STARD13: variants seen among roughly 807,000 people sequenced by gnomAD.
The protein encoded by STARD13 is StAR related lipid transfer domain containing 13, also known as stAR-related lipid transfer protein 13.
A neutral mutation model predicts 106.4 loss-of-function variants in STARD13; 62 were observed. The ratio of observed to expected loss-of-function variants is 0.58; its 90% CI spans 0.48 to 0.72. The LOEUF (loss-of-function observed/expected upper bound fraction) is 0.72. STARD13 is among the 30% of genes least tolerant of loss of function. The pLI, the probability that STARD13 is intolerant of heterozygous loss-of-function variation, is 0.00. For missense variants in STARD13, 1,387 were observed against 1,424.0 expected, an observed-to-expected ratio of 0.97 and a Z score of 0.42; for synonymous variants, 565 against 553.0, an observed-to-expected ratio of 1.02 and a Z score of -0.31.
At chr13:33,428,823 T>C in the STARD13 span, among the ~76,000 whole-genome samples, 2 of 152,126 alleles carry the variant, frequency 1.3e-5, no homozygotes, top group East Asian at 1.9e-4. Flanking sequence ...AACAACTCTA[T>C]AGGAAAAAAT....
intron 1 of STARD13, among the ~76,000 whole-genome samples, chr13:33,284,427 AT>A (rs1891952881): frequency 1.3e-5 from 2 of 152,208 alleles, no homozygotes; most frequent in African/African-American, 4.8e-5. Context: ...TGGAAACTGT[AT>A]TTTTATAATG....
rs147427389 is a variant in STARD13 at position 33,122,137 on chromosome 13, C to T, written c.2083-3874G>A. 3.2e-3 allele frequency among the ~76,000 whole-genome samples: 486 copies of T among 152,114 alleles called. 2 individuals are homozygous for T. The highest frequency in any genetic ancestry group is 5.8e-3 in the Non-Finnish European group (392 of 67,976). On this transcript the variant is annotated intron_variant, in intron 7 of 13. Transcript: ENST00000336934. ...CTGGGATTACAGGCGTGAGCCACTG[C>T]ACCCAGCCTAATTTTTGTATTTTTA...
chr13:33,667,927 C>T, the STARD13 span, among the ~76,000 whole-genome samples: 3 of 152,216 alleles, frequency 2.0e-5, no homozygotes, highest in Non-Finnish European at 4.4e-5. Flanking sequence ...TACACTTGTG[C>T]CTGTCACTGA....
chr13:33,226,351 G>T (rs954989438), intron 1 of STARD13, among the ~76,000 whole-genome samples: 2 of 150,696 alleles, frequency 1.3e-5, no homozygotes, highest in East Asian at 3.9e-4. Flanking sequence ...GCTCATAAAA[G>T]TACAGGAAGT....
At chr13:33,257,887 A>G (rs781368641) in intron 1 of STARD13, among the ~76,000 whole-genome samples, 3 of 152,214 alleles carry the variant, frequency 2.0e-5, no homozygotes, top group Non-Finnish European at 4.4e-5. Flanking sequence ...CTGTAAATAT[A>G]TTTTCAATTT....
the STARD13 span, among the ~76,000 whole-genome samples, chr13:33,574,043 C>G: frequency 7.9e-3 from 1,206 of 152,166 alleles, 16 homozygotes; most frequent in African/African-American, 0.027. Flanking sequence ...ATAGATGATA[C>G]AGGAGTGTGA....
the STARD13 span, among the ~76,000 whole-genome samples, chr13:33,361,138 T>TGCCTGCCTCCCCTTCC: frequency 1.3e-5 from 2 of 150,858 alleles, no homozygotes; most frequent in African/African-American, 4.9e-5. Context: ...ACACTGAGTG[T>TGCCTGCCTCCCCTTCC]GCCTGCCTCC....
the STARD13 span, among the ~76,000 whole-genome samples, chr13:33,674,085 C>T: frequency 2.0e-5 from 3 of 152,038 alleles, no homozygotes; most frequent in African/African-American, 7.2e-5. Flanking sequence ...GTCTCCAACT[C>T]CTGACCTCAG....
At chr13:33,429,332 C>T in the STARD13 span, among the ~76,000 whole-genome samples, 1 of 152,180 alleles carries the variant, frequency 6.6e-6, no homozygotes, top group Non-Finnish European at 1.5e-5. Flanking sequence ...CGTGGTGGCT[C>T]ACGCCTGTAA....
the STARD13 span, among the ~76,000 whole-genome samples, chr13:33,461,530 G>A: frequency 6.6e-6 from 1 of 152,178 alleles, no homozygotes; most frequent in Non-Finnish European, 1.5e-5. Context: ...TCTTATTTCA[G>A]ATTTGTGCCT....
chr13:33,583,050 T>C, the STARD13 span, among the ~76,000 whole-genome samples: 1 of 152,198 alleles, frequency 6.6e-6, no homozygotes, highest in Non-Finnish European at 1.5e-5. Context: ...CTCTGTGAAC[T>C]GCATGTTTGG....
Position 33,204,568 on chromosome 13 carries a change from G to A in STARD13, c.170-36946C>T, listed in dbSNP as rs555064900. The stretch of plus-strand genomic sequence containing the variant: ...AGAAACCATATGGTTGTCAGTAACG[G>A]CATAATCTCATTCAAAGGTGCTAAG... On this transcript the variant is annotated intron_variant, in intron 1 of 13. Coordinates refer to ENST00000336934, the MANE Select transcript of STARD13 (RefSeq NM_178006.4). Among the ~76,000 whole-genome samples the A allele has an allele frequency of 7.9e-5, 12 of 152,266 alleles. No individual in the cohort carries two copies. In the East Asian group the frequency reaches 2.1e-3, roughly 27 times the overall value.
chr13:33,378,973 G>A, the STARD13 span, among the ~76,000 whole-genome samples: 125 of 152,104 alleles, frequency 8.2e-4, no homozygotes, highest in African/African-American at 2.8e-3. Flanking sequence ...AGCCAGGTGT[G>A]ATGGCATTTG....
intron 1 of STARD13, among the ~76,000 whole-genome samples, chr13:33,199,886 T>C (rs1886894301): frequency 6.6e-6 from 1 of 152,244 alleles, no homozygotes. Context: ...CCAGTACCAA[T>C]GGTCCAGGAT....
intron 1 of STARD13, among the ~76,000 whole-genome samples, chr13:33,284,875 G>C (rs1363143890): frequency 1.3e-5 from 2 of 152,104 alleles, no homozygotes; most frequent in Non-Finnish European, 2.9e-5. Context: ...TTTGTGTGCA[G>C]GTTACGGGAT....
At chr13:33,323,840 T>C (rs1454493017) in intron 1 of STARD13, among the ~76,000 whole-genome samples, 1 of 152,234 alleles carries the variant, frequency 6.6e-6, no homozygotes, top group Admixed American at 6.5e-5. Context: ...ATTTCTATTC[T>C]GGTGTTATTC....
intron 1 of STARD13, among the ~76,000 whole-genome samples, chr13:33,314,976 T>C (rs551654152): frequency 6.6e-6 from 1 of 152,250 alleles, no homozygotes; most frequent in South Asian, 2.1e-4. Context: ...ACAAACACTT[T>C]TTTTAAAAAA....
At chr13:33,527,646 T>A in the STARD13 span, among the ~76,000 whole-genome samples, 2 of 152,008 alleles carry the variant, frequency 1.3e-5, no homozygotes, top group African/African-American at 4.8e-5. Context: ...CCTTTATTCA[T>A]CCTGTTCTGT....
intron 7 of STARD13, among the ~76,000 whole-genome samples, chr13:33,124,291 C>T (rs1022152071): frequency 2.0e-5 from 3 of 152,194 alleles, no homozygotes; most frequent in African/African-American, 7.2e-5. Context: ...GGAAGCCCTG[C>T]CAGGACTGGG....
Sources: allele counts gnomAD v4.1 joint callset (sites outside exome capture counted in the v4.1 genomes callset), GRCh38; gene constraint gnomAD v4.1.1; transcripts MANE v1.5; gene names NCBI Gene and HGNC (gene_info 2026-07-23, HGNC 2026-07-21).